The following SCFD2 variants were observed in gnomAD, a reference collection of about 807,000 sequenced individuals.
SCFD2 encodes sec1 family domain containing 2, also known as sec1 family domain-containing protein 2.
A neutral mutation model predicts 58.9 loss-of-function variants in SCFD2; 54 were observed. The observed-to-expected ratio is 0.92, with a 90% CI of 0.74 to 1.15. The LOEUF (loss-of-function observed/expected upper bound fraction) is 1.15. Among genes scored for constraint, SCFD2 ranks in the 50% most tolerant of loss-of-function variants. The pLI is 0.00. For missense variants in SCFD2, 805 were observed against 836.6 expected, an observed-to-expected ratio of 0.96 and a Z score of 0.47; for synonymous variants, 321 against 335.9, an observed-to-expected ratio of 0.96 and a Z score of 0.49.
chr4:52,877,512 C>T (rs1198460630), intron 8 of SCFD2, among the ~76,000 whole-genome samples: 1 of 152,170 alleles, frequency 6.6e-6, no homozygotes, highest in African/African-American at 2.4e-5. Context: ...AGTTGCTTAA[C>T]CACACTGAGC....
At chr4:52,953,947 C>A (rs1720655869) in intron 5 of SCFD2, among the ~76,000 whole-genome samples, 1 of 152,128 alleles carries the variant, frequency 6.6e-6, no homozygotes, top group Non-Finnish European at 1.5e-5. Context: ...GGCCAGGCTG[C>A]CTGGGTTCAA....
At chr4:53,044,534 C>T (rs1232794757) in intron 5 of SCFD2, among the ~76,000 whole-genome samples, 1 of 150,984 alleles carries the variant, frequency 6.6e-6, no homozygotes, top group Non-Finnish European at 1.5e-5. Context: ...CCCTCTCTCC[C>T]TTTCTCCTTC....
chr4:53,157,981 G>A (rs1726739749), intron 4 of SCFD2, among the ~76,000 whole-genome samples: 1 of 151,656 alleles, frequency 6.6e-6, no homozygotes, highest in Non-Finnish European at 1.5e-5. Flanking sequence ...TTAGGTCTGG[G>A]ATGGGGCCTA....
chr4:53,235,297 C>G (rs1729563822), intron 4 of SCFD2, among the ~76,000 whole-genome samples: 1 of 152,228 alleles, frequency 6.6e-6, no homozygotes, highest in Admixed American at 6.5e-5. Flanking sequence ...CTAACAGCCA[C>G]AATGAGATAT....
At chr4:53,144,082 A>G (rs1353472441) in intron 5 of SCFD2, among the ~76,000 whole-genome samples, 1 of 152,124 alleles carries the variant, frequency 6.6e-6, no homozygotes, top group African/African-American at 2.4e-5. Context: ...AGCAGAACCT[A>G]CTTTACTGGG....
At chr4:53,344,190 TTA>T (rs2033081767) in intron 2 of SCFD2, among the ~76,000 whole-genome samples, 1 of 150,170 alleles carries the variant, frequency 6.7e-6, no homozygotes, top group Non-Finnish European at 1.5e-5. Flanking sequence ...GATTGTATAT[TTA>T]GAAAACCCCA....
chr4:53,044,899 AC>A (rs1214404369), intron 5 of SCFD2, among the ~76,000 whole-genome samples: 1 of 19,310 alleles, frequency 5.2e-5, no homozygotes, highest in Non-Finnish European at 9.0e-5. Context: ...TCCCACCTCC[AC>A]CCCCAACCCC....
intron 4 of SCFD2, among the ~76,000 whole-genome samples, chr4:53,268,086 A>G (rs771556323): frequency 6.6e-5 from 10 of 152,102 alleles, no homozygotes; most frequent in Non-Finnish European, 1.0e-4. Flanking sequence ...AGGAGGGCAC[A>G]ATAGTGGCTT....
At chr4:53,044,321 T>C (rs1722972277) in intron 5 of SCFD2, among the ~76,000 whole-genome samples, 1 of 152,102 alleles carries the variant, frequency 6.6e-6, no homozygotes, top group Admixed American at 6.6e-5. Context: ...CCCAAGGCTT[T>C]CCCTGCTCAA....
chr4:53,247,230 C>T (rs552677342), intron 4 of SCFD2, among the ~76,000 whole-genome samples: 98 of 152,200 alleles, frequency 6.4e-4, no homozygotes, highest in African/African-American at 2.2e-3. Flanking sequence ...GCCAAAATGG[C>T]TATTACTAAA....
At chr4:53,114,642 T>C (rs111651793) in intron 5 of SCFD2, among the ~76,000 whole-genome samples, 2,067 of 152,222 alleles carry the variant, frequency 0.014, 26 homozygotes, top group Admixed American at 0.02. Context: ...GAATTGAAGG[T>C]GATGTAGCTA....
intron 5 of SCFD2, among the ~76,000 whole-genome samples, chr4:53,017,720 T>A (rs899482169): frequency 3.9e-5 from 6 of 152,204 alleles, no homozygotes; most frequent in African/African-American, 1.4e-4. Context: ...AAAATCCCCA[T>A]GAAGGCAAAC....
At position 53,365,674 on chromosome 4, in the gene SCFD2, G is replaced by A. The variant is rs767978815; in HGVS notation, c.268C>T (p.Arg90Trp). The A allele has an allele frequency of 6.2e-7, 1 of 1,614,062 alleles. No homozygotes were observed. The highest frequency in any genetic ancestry group is 1.3e-5 in the African/African-American group (1 of 74,918). ...AAGTGACTGCGGCAGATGATGTCCC[G>A]TAGGATCTCCACGGTCCGGCCTTTC... ...LLKGRTVEILRDIICRSHFQY... is the reference protein window; with the variant it reads ...LLKGRTVEILWDIICRSHFQY... The change falls in exon 1 of 9, where the codon CGG becomes TGG. Residue 90 changes from arginine to tryptophan, a missense_variant. By Grantham distance (101) the Arg-to-Trp change is moderately radical. Transcript: ENST00000401642. This position sits in a 1 kb window ranked among gnomAD's most constrained non-coding sequence, Gnocchi z 4.3.
chr4:53,230,905 C>T (rs908000214), intron 4 of SCFD2, among the ~76,000 whole-genome samples: 9 of 152,158 alleles, frequency 5.9e-5, no homozygotes, highest in Middle Eastern at 3.4e-3. Flanking sequence ...AAGAACTATA[C>T]ATACATCAAA....
rs191060541 is a variant in SCFD2, at chr4:53,016,991, G to A, written c.1562-96121C>T. Among the ~76,000 whole-genome samples the A allele has an allele frequency of 3.7e-3, 559 of 152,116 alleles. 2 individuals carry two copies. The highest frequency in any genetic ancestry group is 6.5e-3 in the Non-Finnish European group (441 of 67,978). Reference sequence around the variant, plus strand: ...GGCGTGGTGGTGCACACCTATAATCGCAGCTACTTGGGAGGCTGAGGCAGG... The same window carrying A: ...GGCGTGGTGGTGCACACCTATAATCACAGCTACTTGGGAGGCTGAGGCAGG... On this transcript the variant is annotated intron_variant, in intron 5 of 8. Coordinates refer to ENST00000401642, the MANE Select transcript of SCFD2 (RefSeq NM_152540.4).
chr4:52,904,759 C>T (rs1185441459), intron 7 of SCFD2, among the ~76,000 whole-genome samples: 1 of 152,214 alleles, frequency 6.6e-6, no homozygotes, highest in Non-Finnish European at 1.5e-5. Context: ...TGGCAGCCTC[C>T]TGGAGCCAAG....
chr4:53,191,758 G>A (rs1308666604), intron 4 of SCFD2, among the ~76,000 whole-genome samples: 1 of 152,158 alleles, frequency 6.6e-6, no homozygotes, highest in Non-Finnish European at 1.5e-5. Flanking sequence ...GAAAACAATA[G>A]GAACACACTT....
rs17644492 is a variant in SCFD2 at position 52,982,848 on chromosome 4, A to G, written c.1562-61978T>C. Among the ~76,000 whole-genome samples the G allele has an allele frequency of 6.4e-3, 982 of 152,296 alleles. 15 individuals carry two copies. The highest frequency in any genetic ancestry group is 6.5e-3 in the Non-Finnish European group (440 of 68,030). On this transcript the variant is annotated intron_variant, in intron 5 of 8. Coordinates refer to ENST00000401642, the MANE Select transcript of SCFD2 (RefSeq NM_152540.4). ...GGGGAAGAAATAAAAACCTTTATCT[A>G]TACTTCATCCCAATTTATTTTGGGA...
At chr4:53,238,228 G>C (rs1729739010) in intron 4 of SCFD2, among the ~76,000 whole-genome samples, 2 of 133,890 alleles carry the variant, frequency 1.5e-5, no homozygotes, top group Non-Finnish European at 1.7e-5. Context: ...CGGGCAGAGG[G>C]GCTCCTCACT....
Sources: allele counts gnomAD v4.1 joint callset (sites outside exome capture counted in the v4.1 genomes callset), GRCh38; gene constraint gnomAD v4.1.1; non-coding constraint Gnocchi (gnomAD v3.1); transcripts MANE v1.5; gene names NCBI Gene and HGNC (gene_info 2026-07-23, HGNC 2026-07-21).